The following PAN3 variants were observed in gnomAD, a reference collection of about 807,000 sequenced individuals.
The protein encoded by PAN3 is poly(A) specific ribonuclease subunit PAN3, also known as PAN2-PAN3 deadenylation complex subunit PAN3.
Under a neutral mutation model 96.2 loss-of-function variants are expected in PAN3, and 19 were observed. The observed-to-expected ratio is 0.20, with a 90% CI of 0.14 to 0.29. The LOEUF (loss-of-function observed/expected upper bound fraction) is 0.29, where lower values mean the gene tolerates loss of function less well. PAN3 is among the 10% of genes least tolerant of loss of function. PAN3 has a pLI of 1.00. For synonymous variants in PAN3, 433 were observed against 406.6 expected, an observed-to-expected ratio of 1.06 and a Z score of -0.78; for missense variants, 882 against 1,108.1, an observed-to-expected ratio of 0.80 and a Z score of 2.90.
At chr13:28,140,766 T>C (rs1413482184) in intron 1 of PAN3, among the ~76,000 whole-genome samples, 1 of 152,190 alleles carries the variant, frequency 6.6e-6, no homozygotes, top group African/African-American at 2.4e-5. Flanking sequence ...GTGATGGGCT[T>C]GACTTTAATG....
intron 9 of PAN3, among the ~76,000 whole-genome samples, chr13:28,263,309 G>A (rs910146699): frequency 8.5e-5 from 13 of 152,232 alleles, no homozygotes; most frequent in African/African-American, 3.1e-4. Context: ...GAAAGCATTG[G>A]AAAAATGTTT....
chr13:28,247,065 A>G (rs989861575), intron 6 of PAN3, among the ~76,000 whole-genome samples: 4 of 151,874 alleles, frequency 2.6e-5, no homozygotes, highest in African/African-American at 4.8e-5. Context: ...TCCTTTTTCC[A>G]TATCCTCACC....
intron 9 of PAN3, 40 bp downstream of exon 9, chr13:28,261,498 T>C: frequency 6.5e-7 from 1 of 1,549,074 alleles, no homozygotes. Context: ...TTAAAGGCTG[T>C]TATAATTCTT....
In PAN3 at chr13:28,174,350, A is replaced by G; in HGVS notation, c.509A>G (p.Asn170Ser). The G allele has an allele frequency of 1.2e-6, 2 of 1,613,142 alleles. No homozygotes were observed. Among genetic ancestry groups the G allele is most frequent in the East Asian group, 2.2e-5 (1 of 44,828 alleles). The part of the protein sequence containing the change: ...SYFSTSFIGV[N>S]GFGSPVETKY... ...TTTAGCACCAGCTTTATTGGAGTCA[A>G]TGGATTTGGAAGCCCTGTAGAAACA... Residue 170 changes from asparagine (N) to serine (S), a missense_variant, in exon 2 of 19, where the codon AAT becomes AGT. Physicochemically the swap from Asn to Ser is conservative, Grantham distance 46. This residue lies in a region of PAN3 where 442 missense variants were observed against 422.8 expected (regional missense o/e 1.05). Transcript: ENST00000380958.
chr13:28,287,949 A>G (rs765888613), intron 17 of PAN3, 35 bp from the exon 18 acceptor site: 8 of 1,587,192 alleles, frequency 5.0e-6, no homozygotes, highest in Non-Finnish European at 6.8e-6. Flanking sequence ...ACCATACAGC[A>G]TGAGTTACTG....
Position 28,267,210 on chromosome 13 carries a change from C to T in PAN3, c.1689C>T (p.Pro563=). The T allele has an allele frequency of 6.2e-7, 1 of 1,612,548 alleles. No homozygotes were observed. Among genetic ancestry groups the T allele is most frequent in the Non-Finnish European group, 8.5e-7 (1 of 1,178,688 alleles). Residue 563 remains proline, a splice_region_variant and synonymous_variant, in exon 11 of 19, where the codon CCC becomes CCT. Coordinates refer to ENST00000380958, the MANE Select transcript of PAN3 (RefSeq NM_175854.8). ...EVFTTKAFAE[P]SLVFAYDFHA... is the part of the protein sequence containing the mutation. ...TTACCACTAAAGCATTTGCTGAGCC[C>T]TGTGAGTAACTTGTAATTTGTCTTT...
At chr13:28,181,481 T>C (rs1406006550) in intron 4 of PAN3, among the ~76,000 whole-genome samples, 1 of 129,654 alleles carries the variant, frequency 7.7e-6, no homozygotes, top group African/African-American at 3.0e-5. Context: ...TAATGCACTG[T>C]GTGACAGAGC....
intron 12 of PAN3, among the ~76,000 whole-genome samples, chr13:28,269,607 T>C (rs1000298651): frequency 2.6e-5 from 4 of 150,946 alleles, no homozygotes; most frequent in Admixed American, 2.6e-4. Context: ...GTAAGCACTA[T>C]ATGTTTGCTG....
chr13:28,250,370 A>T (rs1884608233), intron 6 of PAN3, among the ~76,000 whole-genome samples: 1 of 151,626 alleles, frequency 6.6e-6, no homozygotes, highest in African/African-American at 2.4e-5. Flanking sequence ...TTTTAATTTA[A>T]TTTAATTTTT....
intron 5 of PAN3, among the ~76,000 whole-genome samples, chr13:28,217,365 T>C (rs574997435): frequency 2.0e-5 from 3 of 152,202 alleles, no homozygotes; most frequent in South Asian, 2.1e-4. Context: ...GCAGATCACT[T>C]GAGGCCAGGA....
At chr13:28,267,036 G>C in intron 10 of PAN3, 59 bp from the exon 11 acceptor site, 1 of 1,443,336 alleles carries the variant, frequency 6.9e-7, no homozygotes. Flanking sequence ...TTCCATTTCT[G>C]ATGGAATATG....
chr13:28,144,405 C>A (rs1032413046), intron 1 of PAN3, among the ~76,000 whole-genome samples: 1 of 151,456 alleles, frequency 6.6e-6, no homozygotes, highest in Non-Finnish European at 1.5e-5. Context: ...TTAGTAGAGA[C>A]GGGGTTTCAC....
In PAN3 at chr13:28,141,749, C is replaced by T. The variant is rs551780279; in HGVS notation, c.430+2662C>T. 1.8e-4 allele frequency among the ~76,000 whole-genome samples: 27 copies of T among 152,150 alleles called. No homozygotes were observed. In the South Asian group the frequency reaches 3.3e-3, roughly 19 times the overall value. ...CCTAGGGATTACTGGCGGGAGCCAC[C>T]GCACCTGGCCGAGGATTTTCTAATT... On this transcript the variant is annotated intron_variant, in intron 1 of 18. Transcript: ENST00000380958.
chr13:28,138,684 C>G lies in PAN3; in HGVS notation c.27C>G (p.Pro9=). Residue 9 remains proline, a synonymous_variant, in exon 1 of 19, where the codon CCC becomes CCG. Coordinates refer to ENST00000380958, the MANE Select transcript of PAN3 (RefSeq NM_175854.8). ...TGAACAGTGGCGGCGGCCTCCCGCC[C>G]CCCTCGGCCGCCGCCTCCCCTTCCT... MNSGGGLP[P]PSAAASPSSS... The G allele has an allele frequency of 1.1e-6, 1 of 938,464 alleles. No homozygotes were observed. Among genetic ancestry groups the G allele is most frequent in the Non-Finnish European group, 1.4e-6 (1 of 694,696 alleles). 58.1% of individuals were successfully genotyped at this position (938,464 alleles called of 1,614,324 possible).
At chr13:28,215,770 T>A (rs1289354913) in intron 5 of PAN3, 1 of 1,452,226 alleles carries the variant, frequency 6.9e-7, no homozygotes, top group Non-Finnish European at 9.5e-7. Context: ...CATCCTCTTC[T>A]GAGTTGTTTT....
rs563220726 is a variant in PAN3 at position 28,293,999 on chromosome 13, T to A, written c.*1477T>A. On this transcript the variant is annotated 3_prime_UTR_variant, in exon 19 of 19. Coordinates refer to ENST00000380958, the MANE Select transcript of PAN3 (RefSeq NM_175854.8). The stretch of plus-strand genomic sequence containing the variant: ...ATTTTAATAATTACACATATTTGTA[T>A]ATTTCAGAGAAGTTTTTAATATTTC... 6.5e-6 allele frequency: 1 copy of A among 152,760 alleles called. No individual in the cohort carries two copies. Among genetic ancestry groups the A allele is most frequent in the African/African-American group, 2.4e-5 (1 of 41,572 alleles). The allele number at this position is 152,760 out of a possible 1,614,324, so 9.5% of individuals were successfully genotyped here.
chr13:28,262,509 G>A (rs1885824729), intron 9 of PAN3, among the ~76,000 whole-genome samples: 1 of 152,170 alleles, frequency 6.6e-6, no homozygotes, highest in Non-Finnish European at 1.5e-5. Flanking sequence ...TCCAGGTAAG[G>A]TGGGAAGGAA....
At chr13:28,281,750 CT>C (rs531318282) in intron 17 of PAN3, among the ~76,000 whole-genome samples, 1,843 of 149,866 alleles carry the variant, frequency 0.012, 19 homozygotes, top group Non-Finnish European at 0.02. Context: ...TGCCTCTTAC[CT>C]TCTATTAAAG....
intron 5 of PAN3, among the ~76,000 whole-genome samples, chr13:28,209,924 G>T (rs1879838398): frequency 6.6e-6 from 1 of 152,028 alleles, no homozygotes; most frequent in Non-Finnish European, 1.5e-5. Flanking sequence ...GGGACTACAG[G>T]TGTGTGCTAT....
Sources: gnomAD v4.1 joint callset for allele counts (sites outside exome capture counted in the v4.1 genomes callset) on GRCh38, gnomAD v4.1.1 for gene constraint, gnomAD v4.1.1 regional missense constraint, MANE v1.5 for transcripts, NCBI Gene and HGNC (gene_info 2026-07-23, HGNC 2026-07-21) for gene names.